LIPA: variants seen among roughly 807,000 people sequenced by gnomAD.
LIPA encodes the protein lysosomal acid lipase/cholesteryl ester hydrolase.
A neutral mutation model predicts 40.6 loss-of-function variants in LIPA; 26 were observed. That is an observed-to-expected ratio of 0.64 (90% CI 0.47 to 0.89). The LOEUF is 0.89. Among genes scored for constraint, LIPA ranks in the 40% least tolerant of loss-of-function variants. LIPA has a pLI of 0.00. For missense variants in LIPA, 455 were observed against 479.6 expected (o/e 0.95, Z 0.48); for synonymous variants, 188 against 168.4 (o/e 1.12, Z -0.90).
intron 1 of LIPA, among the ~76,000 whole-genome samples, chr10:89,298,103 T>C (rs1843425841): frequency 6.6e-6 from 1 of 152,220 alleles, no homozygotes. Context: ...CACCGTTGGC[T>C]ACTGCCATTG....
chr10:89,286,553 T>A (rs1241458551), intron 1 of LIPA, among the ~76,000 whole-genome samples: 1 of 152,028 alleles, frequency 6.6e-6, no homozygotes, highest in Admixed American at 6.5e-5. Flanking sequence ...TTATCCAACC[T>A]CTCCCAAATC....
intron 1 of LIPA, among the ~76,000 whole-genome samples, chr10:89,299,893 A>T (rs1026009773): frequency 4.6e-5 from 7 of 152,236 alleles, no homozygotes; most frequent in Non-Finnish European, 1.0e-4. Flanking sequence ...AATTTTCATA[A>T]GACCCAGCAA....
chr10:89,402,677 T>C (rs746228100), intron 2 of LIPA: 2 of 1,614,182 alleles, frequency 1.2e-6, no homozygotes, highest in South Asian at 1.1e-5. Flanking sequence ...CCTTCCGCTA[T>C]AGAATGGAGT....
intron 2 of LIPA, among the ~76,000 whole-genome samples, chr10:89,378,617 C>G (rs532034372): frequency 6.6e-6 from 1 of 152,242 alleles, no homozygotes; most frequent in Admixed American, 6.5e-5. Flanking sequence ...CTGGTGCTCC[C>G]CAGTGGGCCA....
In LIPA at chr10:89,331,235, C is replaced by G. The variant is rs571537620; in HGVS notation, c.-2+11376G>C. On this transcript the variant is annotated intron_variant, in intron 1 of 5. Coordinates refer to the LIPA transcript ENST00000282673. The stretch of plus-strand genomic sequence containing the variant: ...TCACCCAGGCTGGAGTGCAGTGGCC[C>G]GATCATGGCTCACTGCAGCCTCAGA... 7.7e-4 allele frequency among the ~76,000 whole-genome samples: 117 copies of G among 152,232 alleles called. 1 individual carries two copies. The highest frequency in any genetic ancestry group is 2.7e-3 in the African/African-American group (114 of 41,526).
chr10:89,288,911 G>T (rs1308540268), intron 1 of LIPA, among the ~76,000 whole-genome samples: 1 of 152,288 alleles, frequency 6.6e-6, no homozygotes, highest in Admixed American at 6.5e-5. Context: ...CTACGCAAGG[G>T]TCCTCCATCA....
chr10:89,225,531 T>G (rs1842758001), intron 5 of LIPA, among the ~76,000 whole-genome samples: 1 of 152,190 alleles, frequency 6.6e-6, no homozygotes, highest in Non-Finnish European at 1.5e-5. Context: ...CCTTTTACAA[T>G]GTAAATAACA....
chr10:89,337,253 G>A (rs995171277), intron 1 of LIPA, among the ~76,000 whole-genome samples: 6 of 152,122 alleles, frequency 3.9e-5, no homozygotes, highest in Admixed American at 3.9e-4. Flanking sequence ...GAGAAGGTTG[G>A]GATAATCTCT....
intron 2 of LIPA, 93 bp downstream of exon 2, chr10:89,247,445 G>T: frequency 6.4e-5 from 34 of 535,224 alleles, no homozygotes; most frequent in East Asian, 1.9e-4. Flanking sequence ...GAGTTATAAA[G>T]AGATGAATGT....
intron 1 of LIPA, among the ~76,000 whole-genome samples, chr10:89,298,101 G>A (rs1843425796): frequency 6.6e-6 from 1 of 152,190 alleles, no homozygotes; most frequent in Non-Finnish European, 1.5e-5. Context: ...CCCACCGTTG[G>A]CTACTGCCAT....
intron 2 of LIPA, chr10:89,405,901 G>T (rs550365628): frequency 6.6e-6 from 1 of 152,014 alleles, no homozygotes; most frequent in Non-Finnish European, 1.5e-5. Flanking sequence ...TTGCGGGGGG[G>T]GCATTATTCT....
At chr10:89,307,719 T>C (rs1843491971) in intron 1 of LIPA, 1 of 202,794 alleles carries the variant, frequency 4.9e-6, no homozygotes, top group African/African-American at 2.3e-5. Flanking sequence ...AGCAGCCAAA[T>C]CCTTCATGTA....
chr10:89,319,881 G>T (rs950373067), intron 1 of LIPA, among the ~76,000 whole-genome samples: 9 of 152,324 alleles, frequency 5.9e-5, no homozygotes, highest in Middle Eastern at 3.4e-3. Context: ...GATCAAGTTA[G>T]CTTCATCACT....
chr10:89,377,680 T>G (rs964535024), intron 2 of LIPA, among the ~76,000 whole-genome samples: 1 of 152,222 alleles, frequency 6.6e-6, no homozygotes, highest in Non-Finnish European at 1.5e-5. Context: ...GCTTCCATTG[T>G]AGACGTCCCT....
intron 1 of LIPA, among the ~76,000 whole-genome samples, chr10:89,266,233 A>C (rs1174973883): frequency 6.6e-6 from 1 of 152,224 alleles, no homozygotes; most frequent in Non-Finnish European, 1.5e-5. Context: ...GTTTAGTTAC[A>C]CTAAACACAT....
chr10:89,385,543 G>A (rs1844204495), intron 2 of LIPA, among the ~76,000 whole-genome samples: 1 of 152,154 alleles, frequency 6.6e-6, no homozygotes, highest in African/African-American at 2.4e-5. Flanking sequence ...AACAGGGAAG[G>A]TTTCTGTTCC....
intron 1 of LIPA, among the ~76,000 whole-genome samples, chr10:89,279,964 A>G (rs1298376338): frequency 6.6e-6 from 1 of 152,262 alleles, no homozygotes; most frequent in African/African-American, 2.4e-5. Flanking sequence ...AGTGATATTC[A>G]CTTCAACATT....
intron 5 of LIPA, among the ~76,000 whole-genome samples, chr10:89,226,594 T>C (rs1171112735): frequency 1.3e-5 from 2 of 152,248 alleles, no homozygotes; most frequent in Non-Finnish European, 2.9e-5. Context: ...GTTTTCTTTA[T>C]GTAAGTCTCT....
chr10:89,289,425 G>A (rs1035756230), intron 1 of LIPA, among the ~76,000 whole-genome samples: 1 of 152,114 alleles, frequency 6.6e-6, no homozygotes, highest in South Asian at 2.1e-4. Context: ...TCGGGGATTT[G>A]CCTCTTCCCA....
Sources: allele counts gnomAD v4.1 joint callset (sites outside exome capture counted in the v4.1 genomes callset), GRCh38; gene constraint gnomAD v4.1.1; transcripts MANE v1.5; gene names NCBI Gene and HGNC (gene_info 2026-07-23, HGNC 2026-07-21).